Variants in TRPM6 observed in about 807,000 individuals in gnomAD.
The protein encoded by TRPM6 is channel kinase 2.
A neutral mutation model predicts 247.6 loss-of-function variants in TRPM6; 111 were observed. The observed-to-expected ratio is 0.45, with a 90% CI of 0.38 to 0.52. The LOEUF (loss-of-function observed/expected upper bound fraction) is 0.52. Among genes scored for constraint, TRPM6 ranks in the 20% least tolerant of loss-of-function variants. The pLI is 0.00. For synonymous variants in TRPM6, 892 were observed against 853.8 expected, an observed-to-expected ratio of 1.04 and a Z score of -0.78; for missense variants, 2,126 against 2,421.5, an observed-to-expected ratio of 0.88 and a Z score of 2.56.
rs752298903 is a variant in TRPM6, at chr9:74,750,620, T to A, written c.5057+44A>T. The A allele has an allele frequency of 1.7e-5, 27 of 1,577,914 alleles. 1 individual carries two copies. In the South Asian group the frequency reaches 2.9e-4, roughly 17 times the overall value. ...TTTGCTCCTAACCAAGTTAAAAAAA[T>A]GGAAGCCAAAGATTCTTAAACATAA... On this transcript the variant is annotated intron_variant, in intron 30 of 38. Transcript: ENST00000360774.
At chr9:74,773,667 G>A (rs1827123714) in intron 24 of TRPM6, among the ~76,000 whole-genome samples, 1 of 152,082 alleles carries the variant, frequency 6.6e-6, no homozygotes, top group African/African-American at 2.4e-5. Context: ...TTTCTTGAAT[G>A]GTTTTGCTTA....
At chr9:74,884,601 G>T (rs1180006261) in intron 1 of TRPM6, among the ~76,000 whole-genome samples, 1 of 151,948 alleles carries the variant, frequency 6.6e-6, no homozygotes, top group Non-Finnish European at 1.5e-5. Context: ...ATTACCTCTG[G>T]GTCAGAGGGG....
intron 19 of TRPM6, 58 bp from the exon 20 acceptor site, chr9:74,788,800 A>G (rs1158901954): frequency 4.4e-6 from 7 of 1,599,968 alleles, no homozygotes; most frequent in Non-Finnish European, 5.1e-6. Context: ...GAGCATGCCA[A>G]GGAGACGCAG....
At position 74,755,333 on chromosome 9, in the gene TRPM6, A is replaced by G; in HGVS notation, c.4906+20T>C. On this transcript the variant is annotated intron_variant, in intron 28 of 38. Transcript: ENST00000360774. ...ACCCCACCAGGGTTTTTGGGATCCA[A>G]AATTGTAGATGTTACATACCTGTGT... 1 of 1,613,802 alleles carries G rather than the reference A, an allele frequency of 6.2e-7. No individual in the cohort carries two copies. The highest frequency in any genetic ancestry group is 1.7e-4 in the Middle Eastern group (1 of 6,060).
chr9:74,775,237 G>A (rs1198675374), intron 24 of TRPM6, among the ~76,000 whole-genome samples: 1 of 152,238 alleles, frequency 6.6e-6, no homozygotes, highest in Non-Finnish European at 1.5e-5. Flanking sequence ...AGGCCGAAGT[G>A]GCTATTCACA....
At chr9:74,739,220 A>G in intron 35 of TRPM6, 147 bp downstream of exon 35, 1 of 815,618 alleles carries the variant, frequency 1.2e-6, no homozygotes, top group Non-Finnish European at 2.1e-6. Context: ...TCCTTTTGCC[A>G]GTCTCCGAAA....
At chr9:74,841,371 A>G (rs1464034628) in intron 4 of TRPM6, among the ~76,000 whole-genome samples, 1 of 152,268 alleles carries the variant, frequency 6.6e-6, no homozygotes, top group Non-Finnish European at 1.5e-5. Flanking sequence ...AGGAAGAAGT[A>G]AGGACAATAA....
At chr9:74,775,303 C>T (rs1827181319) in intron 24 of TRPM6, among the ~76,000 whole-genome samples, 1 of 152,172 alleles carries the variant, frequency 6.6e-6, no homozygotes, top group African/African-American at 2.4e-5. Context: ...AATTCTTGTG[C>T]CTCAACCTCC....
chr9:74,776,270 C>T (rs934420276), intron 23 of TRPM6, 194 bp from the exon 24 acceptor site: 12 of 571,656 alleles, frequency 2.1e-5, no homozygotes, highest in Non-Finnish European at 3.9e-5. Context: ...ATGAAACATG[C>T]TAATCAGAAT....
chr9:74,764,538 G>A (rs910120816), intron 25 of TRPM6, among the ~76,000 whole-genome samples: 4 of 152,178 alleles, frequency 2.6e-5, no homozygotes, highest in African/African-American at 9.7e-5. Context: ...ATCGGAGAAA[G>A]CACGGCCCTG....
chr9:74,750,606 C>T, intron 30 of TRPM6, 58 bp downstream of exon 30: 1 of 1,488,418 alleles, frequency 6.7e-7, no homozygotes, highest in African/African-American at 1.4e-5. Flanking sequence ...TTGCTCCTAA[C>T]CAAGTTAAAA....
At chr9:74,887,680 G>A (rs775539945) in intron 1 of TRPM6, 144 bp downstream of exon 1, 8 of 1,605,100 alleles carry the variant, frequency 5.0e-6, no homozygotes, top group African/African-American at 1.3e-5. Flanking sequence ...CTTGAAAGCC[G>A]GTATTTCATA....
At chr9:74,726,625 G>A (rs1392960634) in intron 38 of TRPM6, among the ~76,000 whole-genome samples, 1 of 152,202 alleles carries the variant, frequency 6.6e-6, no homozygotes, top group Non-Finnish European at 1.5e-5. Context: ...AGTGAGTTCT[G>A]TCTCAAGTCT....
At position 74,739,385 on chromosome 9, in the gene TRPM6, G is replaced by A; in HGVS notation, c.5552C>T (p.Thr1851Ile). 6.2e-7 allele frequency: 1 copy of A among 1,614,168 alleles called. No homozygotes were observed. Among genetic ancestry groups the A allele is most frequent in the East Asian group, 2.2e-5 (1 of 44,872 alleles). ...IYTFNQVKPQ[T>I]IPYTPRFLEV... ...TTCTTACCTTGGTGTGTAGGGTATGGTTTGTGGTTTCACTTGGTTGAAGGT... is the reference window on the plus strand; with the variant it reads ...TTCTTACCTTGGTGTGTAGGGTATGATTTGTGGTTTCACTTGGTTGAAGGT... Residue 1851 changes from threonine to isoleucine, a missense_variant, in exon 35 of 39, where the codon ACC becomes ATC. Around this residue, in one of 3 missense-constraint regions of TRPM6, gnomAD observed 327 missense variants for 397.7 expected, o/e 0.82. Coordinates refer to ENST00000360774, the MANE Select transcript of TRPM6 (RefSeq NM_017662.5).
chr9:74,833,905 A>G (rs1829627285), intron 6 of TRPM6, 93 bp downstream of exon 6: 5 of 1,516,508 alleles, frequency 3.3e-6, no homozygotes, highest in Non-Finnish European at 3.6e-6. Flanking sequence ...TTACATCTGT[A>G]ATGTTCATTC....
At chr9:74,814,286 G>A (rs1466524648) in intron 11 of TRPM6, among the ~76,000 whole-genome samples, 1 of 151,840 alleles carries the variant, frequency 6.6e-6, no homozygotes, top group African/African-American at 2.4e-5. Flanking sequence ...GCAGAAGGAT[G>A]GTTACCAGAA....
At chr9:74,748,028 CA>C in intron 30 of TRPM6, 114 bp from the exon 31 acceptor site, 5 of 974,720 alleles carry the variant, frequency 5.1e-6, no homozygotes, top group Non-Finnish European at 8.1e-6. Context: ...ATTTTATATA[CA>C]TGTGAAATAC....
At chr9:74,845,216 T>C (rs770168182) in intron 3 of TRPM6, among the ~76,000 whole-genome samples, 1 of 152,226 alleles carries the variant, frequency 6.6e-6, no homozygotes, top group Non-Finnish European at 1.5e-5. Context: ...AAAATGGCAC[T>C]GACAGACTTG....
At chr9:74,887,033 C>G (rs1046823792) in intron 1 of TRPM6, among the ~76,000 whole-genome samples, 2 of 152,210 alleles carry the variant, frequency 1.3e-5, no homozygotes, top group African/African-American at 4.8e-5. Flanking sequence ...CAAGAAATTA[C>G]CAGGATCTCC....
Sources: gnomAD v4.1 joint callset for allele counts (sites outside exome capture counted in the v4.1 genomes callset) on GRCh38, gnomAD v4.1.1 for gene constraint, gnomAD v4.1.1 regional missense constraint, MANE v1.5 for transcripts, NCBI Gene and HGNC (gene_info 2026-07-23, HGNC 2026-07-21) for gene names.